Variants in FAM78B observed in about 807,000 individuals in gnomAD.
FAM78B encodes protein FAM78B.
FAM78B carries 10 observed loss-of-function variants against 20.0 expected under a neutral mutation model. The ratio of observed to expected loss-of-function variants is 0.50; its 90% CI spans 0.31 to 0.85. FAM78B has a LOEUF of 0.85. FAM78B is among the 40% of genes least tolerant of loss of function. The probability of loss-of-function intolerance (pLI) is 0.05; values close to 1 mark genes in which losing one functional copy is unlikely to be tolerated. For missense variants in FAM78B, 283 were observed against 345.0 expected (o/e 0.82, Z 1.42); for synonymous variants, 135 against 132.8 (o/e 1.02, Z -0.12).
intron 1 of FAM78B, among the ~76,000 whole-genome samples, chr1:166,074,232 C>T (rs2101713666): frequency 6.6e-6 from 1 of 152,312 alleles, no homozygotes; most frequent in East Asian, 1.9e-4. Flanking sequence ...GCCTCCCCAT[C>T]TCCACACACC....
At chr1:166,073,497 CCTCT>C (rs10617570) in intron 1 of FAM78B, among the ~76,000 whole-genome samples, 10,590 of 151,500 alleles carry the variant, frequency 0.07, 1,232 homozygotes, top group African/African-American at 0.24. Flanking sequence ...TCCCTTCTTC[CCTCT>C]CTCTATCTCT....
downstream of FAM78B, among the ~76,000 whole-genome samples, chr1:166,065,532 ACT>A (rs558915081): frequency 1.6e-3 from 236 of 151,926 alleles, 1 homozygote; most frequent in African/African-American, 5.3e-3. Context: ...GAAATGAAAA[ACT>A]CTTTATAAAC....
intron 1 of FAM78B, among the ~76,000 whole-genome samples, chr1:166,103,948 T>A (rs1216056038): frequency 3.3e-5 from 5 of 152,014 alleles, no homozygotes; most frequent in African/African-American, 4.8e-5. Context: ...GATGCAAAAA[T>A]CCTCAATAAA....
intron 1 of FAM78B, among the ~76,000 whole-genome samples, chr1:166,115,691 T>C (rs540057087): frequency 1.3e-5 from 2 of 152,258 alleles, no homozygotes; most frequent in East Asian, 3.9e-4. Context: ...CCGTTGTAAG[T>C]GCTGAAAGGC....
intron 1 of FAM78B, among the ~76,000 whole-genome samples, chr1:166,145,670 TCAAAGA>T (rs1655427783): frequency 6.6e-6 from 1 of 152,224 alleles, no homozygotes; most frequent in African/African-American, 2.4e-5. Context: ...CTGTAACTTA[TCAAAGA>T]CAATCTCAAG....
chr1:166,127,540 T>C (rs1654688717), intron 1 of FAM78B, among the ~76,000 whole-genome samples: 1 of 152,178 alleles, frequency 6.6e-6, no homozygotes, highest in African/African-American at 2.4e-5. Context: ...GGGCCTACTG[T>C]ATGTGCTCAC....
intron 1 of FAM78B, among the ~76,000 whole-genome samples, chr1:166,142,934 G>A (rs953625452): frequency 1.3e-5 from 2 of 152,186 alleles, no homozygotes; most frequent in Admixed American, 6.5e-5. Flanking sequence ...TCAGTCCAGA[G>A]AGGGCCATGG....
At chr1:166,070,907 G>T in intron 1 of FAM78B, 144 bp from the exon 2 acceptor site, 1 of 778,258 alleles carries the variant, frequency 1.3e-6, no homozygotes, top group Non-Finnish European at 1.9e-6. Flanking sequence ...AAAGTTCTAT[G>T]CTGTGCTGTT....
exon 3 of FAM78B, chr1:166,058,416 C>T (rs1022638539): frequency 4.6e-5 from 7 of 151,768 alleles, no homozygotes; most frequent in Admixed American, 3.3e-4. Context: ...GTGTGTGAAA[C>T]AATGCTTGCC....
downstream of FAM78B, among the ~76,000 whole-genome samples, chr1:166,068,953 C>A (rs1286938890): frequency 6.6e-6 from 1 of 152,108 alleles, no homozygotes; most frequent in African/African-American, 2.4e-5. Context: ...CTAAAGGAAA[C>A]CTGGCCTCTC....
intron 1 of FAM78B, among the ~76,000 whole-genome samples, chr1:166,108,338 T>C (rs1374233521): frequency 1.3e-5 from 2 of 152,168 alleles, no homozygotes; most frequent in African/African-American, 4.8e-5. Context: ...GTAGCTCTTC[T>C]ATACACCAAC....
At chr1:166,079,181 C>A (rs1652464481) in intron 1 of FAM78B, among the ~76,000 whole-genome samples, 2 of 152,124 alleles carry the variant, frequency 1.3e-5, no homozygotes, top group South Asian at 2.1e-4. Flanking sequence ...GATCCTCCTG[C>A]CTCCGCCCGC....
chr1:166,134,503 G>C (rs920111466), intron 1 of FAM78B, among the ~76,000 whole-genome samples: 5 of 151,256 alleles, frequency 3.3e-5, no homozygotes, highest in Non-Finnish European at 4.4e-5. Flanking sequence ...AAAGACACCA[G>C]AACATTAAAG....
chr1:166,068,279 G>T (rs1354719671), downstream of FAM78B, among the ~76,000 whole-genome samples: 1 of 152,184 alleles, frequency 6.6e-6, no homozygotes, highest in Non-Finnish European at 1.5e-5. Flanking sequence ...GGAGCTCTCT[G>T]GGACTGCCTT....
intron 1 of FAM78B, among the ~76,000 whole-genome samples, chr1:166,109,909 T>TATAC (rs1483298341): frequency 8.3e-5 from 9 of 108,730 alleles, no homozygotes; most frequent in Non-Finnish European, 1.2e-4. Context: ...TATATATATA[T>TATAC]ATATATATAT....
chr1:166,109,079 C>T (rs1033261472), intron 1 of FAM78B, among the ~76,000 whole-genome samples: 2 of 152,092 alleles, frequency 1.3e-5, no homozygotes, highest in Admixed American at 1.3e-4. Flanking sequence ...CTGGAAAAAC[C>T]CTTCTAGACA....
At chr1:166,067,054 C>T (rs1344841492), downstream of FAM78B, among the ~76,000 whole-genome samples, 1 of 152,150 alleles carries the variant, frequency 6.6e-6, no homozygotes, top group Admixed American at 6.5e-5. Flanking sequence ...ACAAGGATTT[C>T]CTCTTGTTCT....
intron 1 of FAM78B, among the ~76,000 whole-genome samples, chr1:166,157,098 A>C (rs1571212670): frequency 6.8e-6 from 1 of 146,442 alleles, no homozygotes; most frequent in Non-Finnish European, 1.5e-5. Context: ...CTGGCTCCAG[A>C]TGTACAGAGC....
In FAM78B at chr1:166,070,283, C is replaced by A; in HGVS notation, c.744G>T (p.Arg248Ser). The change falls in exon 2 of 2, where the codon AGG (arginine) becomes AGT (serine). Residue 248 changes from arginine to serine, a missense_variant. By Grantham distance (110) the Arg-to-Ser change is moderately radical. Coordinates refer to ENST00000354422, the MANE Select transcript of FAM78B (RefSeq NM_001017961.5). ...NANDAQVLMW[R>S]PKRGPPLVVI... ...CAACCAGAGGTGGCCCCCGCTTGGG[C>A]CTCCACATGAGGACCTGGGCATCAT... 1 of 1,563,530 alleles carries A rather than the reference C, an allele frequency of 6.4e-7. No individual in the cohort carries two copies. The highest frequency in any genetic ancestry group is 1.2e-5 in the South Asian group (1 of 82,148).
Sources: gnomAD v4.1 joint callset for allele counts (sites outside exome capture counted in the v4.1 genomes callset) on GRCh38, gnomAD v4.1.1 for gene constraint, MANE v1.5 for transcripts, NCBI Gene and HGNC (gene_info 2026-07-23, HGNC 2026-07-21) for gene names.